The following ADAP2 variants were observed in gnomAD, a reference collection of about 807,000 sequenced individuals.
The protein encoded by ADAP2 is ArfGAP with dual PH domains 2.
In ADAP2, 42 loss-of-function variants were observed where a neutral mutation model predicts 54.9. That is an observed-to-expected ratio of 0.77 (90% CI 0.60 to 0.99). ADAP2 has a LOEUF of 0.99. Among genes scored for constraint, ADAP2 ranks in the 50% least tolerant of loss-of-function variants. ADAP2 has a pLI of 0.00. For synonymous variants in ADAP2, 177 were observed against 180.1 expected (o/e 0.98, Z 0.14); for missense variants, 429 against 480.4 (o/e 0.89, Z 1.00).
In ADAP2 at chr17:30,953,244, C is replaced by T. The variant is rs1387631876; in HGVS notation, c.742-44C>T. 1.1e-5 allele frequency: 17 copies of T among 1,607,734 alleles called. No individual in the cohort carries two copies. In the South Asian group the frequency reaches 1.9e-4, roughly 18 times the overall value. The stretch of plus-strand genomic sequence containing the variant: ...GCCAAGCTCGGCGGGAACCTGGAGC[C>T]TTGGGGTGTGAGTTGGGGGTCAGTG... On this transcript the variant is annotated intron_variant, in intron 7 of 10. Transcript: ENST00000330889.
intron 6 of ADAP2, 100 bp from the exon 7 acceptor site, chr17:30,949,187 C>A: frequency 1.1e-6 from 1 of 892,966 alleles, no homozygotes; most frequent in South Asian, 1.5e-5. Context: ...AATATATGTG[C>A]CCCACACCCA....
intron 8 of ADAP2, among the ~76,000 whole-genome samples, chr17:30,953,697 C>T (rs995515395): frequency 4.6e-5 from 7 of 151,980 alleles, no homozygotes; most frequent in East Asian, 3.9e-4. Flanking sequence ...CCACCATGCC[C>T]GGCTAATTTT....
chr17:30,954,681 G>A (rs1488719937), intron 9 of ADAP2, 126 bp downstream of exon 9: 1 of 748,870 alleles, frequency 1.3e-6, no homozygotes, highest in Non-Finnish European at 2.2e-6. Flanking sequence ...GAAACCTTGA[G>A]AGGAAAACCT....
chr17:30,928,278 T>A (rs1434806522), intron 3 of ADAP2, among the ~76,000 whole-genome samples: 1 of 147,054 alleles, frequency 6.8e-6, no homozygotes, highest in Non-Finnish European at 1.5e-5. Context: ...GGCGGATCAC[T>A]CGAGGCCAGG....
At chr17:30,955,567 C>G (rs145742353) in intron 9 of ADAP2, among the ~76,000 whole-genome samples, 1 of 151,684 alleles carries the variant, frequency 6.6e-6, no homozygotes, top group South Asian at 2.1e-4. Context: ...ATTAGCCGGA[C>G]GTGGTGGTGC....
intron 5 of ADAP2, among the ~76,000 whole-genome samples, chr17:30,935,912 TTTA>T (rs1213418538): frequency 6.6e-6 from 1 of 152,152 alleles, no homozygotes; most frequent in Non-Finnish European, 1.5e-5. Context: ...TTGGTAACAG[TTTA>T]TTGAGATACA....
chr17:30,933,485 G>A (rs1211450269), intron 4 of ADAP2, among the ~76,000 whole-genome samples: 1 of 151,534 alleles, frequency 6.6e-6, no homozygotes, highest in Non-Finnish European at 1.5e-5. Flanking sequence ...ATTGCACCCA[G>A]CCCATAAATT....
chr17:30,949,403 T>C lies in ADAP2; in HGVS notation c.741+33T>C, dbSNP rs776113070. On this transcript the variant is annotated intron_variant, in intron 7 of 10. Transcript: ENST00000330889. Reference sequence around the variant, plus strand: ...AAATGCGGACCCCAATTTCTGAATCTCCTCTTGGCCATCTCCTTCTTTCCC... The same window carrying C: ...AAATGCGGACCCCAATTTCTGAATCCCCTCTTGGCCATCTCCTTCTTTCCC... The C allele has an allele frequency of 1.0e-5, 16 of 1,580,762 alleles. No individual in the cohort carries two copies. In the Admixed American group the frequency reaches 2.7e-4, roughly 26 times the overall value.
chr17:30,953,492 ACC>A, intron 8 of ADAP2, 142 bp downstream of exon 8: 1 of 749,694 alleles, frequency 1.3e-6, no homozygotes, highest in Non-Finnish European at 2.2e-6. Context: ...GCCACATGCA[ACC>A]CAGGACGGCT....
chr17:30,934,101 AC>A lies in ADAP2; in HGVS notation c.398-81del, dbSNP rs1911695353. On this transcript the variant is annotated intron_variant, in intron 4 of 10. Transcript: ENST00000330889. ...TGGCAGCAGATGGAAGGCTTATTCC[AC>A]CCTTGAGAACCTCAGAGGTTCCTGA... 4.2e-5 allele frequency: 41 copies of A among 984,920 alleles called. No homozygotes were observed. In the South Asian group the frequency reaches 6.0e-4, roughly 15 times the overall value. The allele number at this position is 984,920 out of a possible 1,614,324, so 61.0% of individuals were successfully genotyped here. A position where few individuals can be genotyped will look rare whatever the true frequency, so the allele number is the denominator to read the frequency against.
Position 30,926,855 on chromosome 17 carries a change from T to A in ADAP2, c.254T>A (p.Val85Glu). ...EFMIHNGNLR[V>E]KAKFEARVPA... ...ATGATCCACAATGGAAACCTCCGTG[T>A]GAAGGCCAAGTTCGAAGCCAGAGTC... Residue 85 changes from valine (V) to glutamate (E), a missense_variant, in exon 3 of 11, where the codon GTG becomes GAG. Physicochemically the swap from Val to Glu is moderately radical, Grantham distance 121. Transcript: ENST00000330889. 6.2e-7 allele frequency: 1 copy of A among 1,614,204 alleles called. No individual in the cohort carries two copies. The highest frequency in any genetic ancestry group is 8.5e-7 in the Non-Finnish European group (1 of 1,180,034).
rs557159647 is a variant in ADAP2 at position 30,933,036 on chromosome 17, T to C, written c.397+1068T>C. Among the ~76,000 whole-genome samples the C allele has an allele frequency of 3.0e-4, 46 of 152,226 alleles. No homozygotes were observed. The South Asian group carries it at 9.5e-3, about 32-fold the overall frequency. ...GACCATTGTGCAGGGTACAACCTCT[T>C]CTGTGGCCCTGGACCTGTGGCAGTT... On this transcript the variant is annotated intron_variant, in intron 4 of 10. Coordinates refer to ENST00000330889, the MANE Select transcript of ADAP2 (RefSeq NM_018404.3).
intron 5 of ADAP2, among the ~76,000 whole-genome samples, chr17:30,934,755 G>A (rs551771916): frequency 3.3e-5 from 5 of 152,296 alleles, no homozygotes; most frequent in African/African-American, 7.2e-5. Flanking sequence ...AAGTGGCTGC[G>A]CACAGTAGCT....
intron 5 of ADAP2, among the ~76,000 whole-genome samples, 164 bp downstream of exon 5, chr17:30,934,461 C>T (rs1265559444): frequency 1.3e-5 from 2 of 152,108 alleles, no homozygotes; most frequent in African/African-American, 2.4e-5. Context: ...AAATCCAGTC[C>T]ACCAAAAATC....
rs148758904 is a variant in ADAP2 at position 30,932,781 on chromosome 17, G to T, written c.397+813G>T. Among the ~76,000 whole-genome samples, 10 of 151,818 alleles carry T rather than the reference G, an allele frequency of 6.6e-5. 1 individual carries two copies. Among genetic ancestry groups the T allele is most frequent in the African/African-American group, 2.4e-4 (10 of 41,368 alleles). ...GACGGGGTTTTACCATGTTGGCCAG[G>T]CTGGTCTCGAACTCCTGACCTCATG... On this transcript the variant is annotated intron_variant, in intron 4 of 10. Transcript: ENST00000330889.
At chr17:30,957,465 T>G (rs1489589632) in intron 10 of ADAP2, among the ~76,000 whole-genome samples, 1 of 151,640 alleles carries the variant, frequency 6.6e-6, no homozygotes, top group African/African-American at 2.4e-5. Context: ...TCTTGCACTG[T>G]CACCCAGGCT....
intron 10 of ADAP2, among the ~76,000 whole-genome samples, chr17:30,957,432 A>T (rs556340201): frequency 4.1e-3 from 533 of 129,958 alleles, no homozygotes; most frequent in Non-Finnish European, 5.9e-3. Flanking sequence ...TTTTTTTTTT[A>T]ATTTTCTTTT....
intron 2 of ADAP2, among the ~76,000 whole-genome samples, chr17:30,926,048 C>T (rs1320338672): frequency 6.6e-6 from 1 of 152,076 alleles, no homozygotes; most frequent in Non-Finnish European, 1.5e-5. Flanking sequence ...TTCATTTTTA[C>T]GGGTGAGATT....
chr17:30,953,828 T>C (rs549429525), intron 8 of ADAP2, among the ~76,000 whole-genome samples: 2 of 152,038 alleles, frequency 1.3e-5, no homozygotes, highest in Non-Finnish European at 2.9e-5. Flanking sequence ...TGAGCCACCA[T>C]GCCCAGCCAA....
Sources: gnomAD v4.1 joint callset for allele counts (sites outside exome capture counted in the v4.1 genomes callset) on GRCh38, gnomAD v4.1.1 for gene constraint, MANE v1.5 for transcripts, NCBI Gene and HGNC (gene_info 2026-07-23, HGNC 2026-07-21) for gene names.